The following BARD1 variants were observed in gnomAD, a reference collection of about 807,000 sequenced individuals.
BARD1 encodes the protein BRCA1 associated RING domain 1.
In BARD1, 73 loss-of-function variants were observed where a neutral mutation model predicts 77.0. The observed-to-expected ratio is 0.95, with a 90% confidence interval of 0.79 to 1.15. BARD1 has a LOEUF of 1.15. BARD1 is among the 50% of genes most tolerant of loss of function. The pLI is 0.00. For synonymous variants in BARD1, 384 were observed against 338.0 expected, an observed-to-expected ratio of 1.14 and a Z score of -1.49; for missense variants, 993 against 938.8, an observed-to-expected ratio of 1.06 and a Z score of -0.75.
chr2:214,781,425 C>A lies in BARD1; in HGVS notation c.449G>T (p.Arg150Leu), dbSNP rs730881412. The A allele has an allele frequency of 6.2e-7, 1 of 1,613,462 alleles. No homozygotes were observed. Among genetic ancestry groups the A allele is most frequent in the South Asian group, 1.1e-5 (1 of 91,018 alleles). The change falls in exon 4 of 11, where the codon CGA (arginine) becomes CTA (leucine). Residue 150 changes from arginine (R) to leucine (L), a missense_variant. Transcript: ENST00000260947. ...CACAACATATCTGACTTTCTTACTT[C>A]GAGGGCTAAACCACATTTTAATTGA... Reference protein sequence around the residue: ...KNSIKMWFSPRSKKVRYVVSK... With the variant: ...KNSIKMWFSPLSKKVRYVVSK...
rs140464354 is a variant in BARD1, at chr2:214,771,823, A to C, written c.1315-2511T>G. Among the ~76,000 whole-genome samples, 7 of 151,612 alleles carry C rather than the reference A, an allele frequency of 4.6e-5. No individual in the cohort carries two copies. In the East Asian group the frequency reaches 1.4e-3, roughly 29 times the overall value. ...CAGTTTTCTAAAAAAGTAAATTCTC[A>C]TGCAACATACATTTTTATATTCCTA... On this transcript the variant is annotated intron_variant, in intron 4 of 10. Coordinates refer to ENST00000260947, the MANE Select transcript of BARD1 (RefSeq NM_000465.4).
intron 1 of BARD1, among the ~76,000 whole-genome samples, chr2:214,798,514 C>T (rs1183245756): frequency 6.6e-6 from 1 of 151,946 alleles, no homozygotes; most frequent in Admixed American, 6.6e-5. Flanking sequence ...CTTCCTTTAC[C>T]TCTTTTATTA....
chr2:214,758,289 T>A (rs1693793656), intron 6 of BARD1, among the ~76,000 whole-genome samples: 1 of 152,190 alleles, frequency 6.6e-6, no homozygotes. Context: ...AATAACACTA[T>A]CTATTTTACA....
intron 9 of BARD1, among the ~76,000 whole-genome samples, chr2:214,738,530 A>G (rs1692665855): frequency 1.3e-5 from 2 of 152,126 alleles, no homozygotes; most frequent in Non-Finnish European, 2.9e-5. Flanking sequence ...CCTACCTCAT[A>G]AAAGCATATA....
intron 6 of BARD1, among the ~76,000 whole-genome samples, chr2:214,755,778 C>T (rs980542675): frequency 1.3e-5 from 2 of 152,116 alleles, no homozygotes; most frequent in East Asian, 1.9e-4. Flanking sequence ...AGATATAAAG[C>T]AATGAACATT....
chr2:214,800,837 C>G (rs1283154770), intron 1 of BARD1, among the ~76,000 whole-genome samples: 1 of 151,996 alleles, frequency 6.6e-6, no homozygotes, highest in Admixed American at 6.6e-5. Context: ...AACTGTGGAA[C>G]GAGGCCTTCA....
At chr2:214,792,149 T>TAA in intron 3 of BARD1, 148 bp downstream of exon 3, 10 of 760,002 alleles carry the variant, frequency 1.3e-5, no homozygotes, top group South Asian at 2.1e-5. Context: ...CAATGGCTAT[T>TAA]TAAAAAAAAA....
intron 5 of BARD1, among the ~76,000 whole-genome samples, chr2:214,768,071 A>G (rs1353051820): frequency 6.6e-6 from 1 of 152,200 alleles, no homozygotes; most frequent in Admixed American, 6.5e-5. Flanking sequence ...TCCGTGAAGG[A>G]ATGCTTTTAA....
chr2:214,805,110 G>C (rs139619486), intron 1 of BARD1, among the ~76,000 whole-genome samples: 1 of 151,706 alleles, frequency 6.6e-6, no homozygotes, highest in Non-Finnish European at 1.5e-5. Context: ...GCAGTGAGCC[G>C]AGATCACACC....
intron 6 of BARD1, among the ~76,000 whole-genome samples, chr2:214,761,304 C>G (rs899264759): frequency 2.0e-5 from 3 of 148,194 alleles, no homozygotes; most frequent in African/African-American, 7.4e-5. Context: ...AAAAAAAAAG[C>G]ATTCTGATTA....
At position 214,726,687 on chromosome 2, in the gene BARD1, ATGAT is replaced by A; in HGVS notation, c.*1985_*1988del. On this transcript the variant is annotated 3_prime_UTR_variant, in exon 11 of 11. Coordinates refer to ENST00000260947, the MANE Select transcript of BARD1 (RefSeq NM_000465.4). ...GTAAAAAAGAAGGAAGCTTGAATCT[ATGAT>A]TGAAAAATAAAAAATAATTACATGT... 4.4e-6 allele frequency: 1 copy of A among 228,794 alleles called. No homozygotes were observed. The highest frequency in any genetic ancestry group is 8.7e-6 in the Non-Finnish European group (1 of 115,480). 14.2% of individuals were successfully genotyped at this position (228,794 alleles called of 1,614,324 possible).
chr2:214,745,835 C>G lies in BARD1; in HGVS notation c.1697G>C (p.Arg566Thr). ...GCCTATAAGTACAAGAGGTCCATCC[C>G]TACGCTGCCCAGTGTTCATCTGTTA... is the stretch of plus-strand genomic sequence containing the variant. ...HCSVMNTGQR[R>T]DGPLVLIGSG... Residue 566 changes from arginine to threonine, a missense_variant, in exon 8 of 11, where the codon AGG (arginine) becomes ACG (threonine). Physicochemically the swap from Arg to Thr is moderately conservative, Grantham distance 71 (BLOSUM62 -1). Coordinates refer to ENST00000260947, the MANE Select transcript of BARD1 (RefSeq NM_000465.4). 1 of 1,614,062 alleles carries G rather than the reference C, an allele frequency of 6.2e-7. No individual in the cohort carries two copies. Among genetic ancestry groups the G allele is most frequent in the Non-Finnish European group, 8.5e-7 (1 of 1,179,970 alleles).
intron 9 of BARD1, among the ~76,000 whole-genome samples, chr2:214,743,304 T>C (rs1196924519): frequency 6.6e-6 from 1 of 152,232 alleles, no homozygotes; most frequent in Non-Finnish European, 1.5e-5. Flanking sequence ...AAATCAGGCA[T>C]TCTACCATAA....
rs932878201 is a variant in BARD1, at chr2:214,726,845, G to A, written c.*1831C>T. The A allele has an allele frequency of 4.4e-6, 1 of 228,438 alleles. No homozygotes were observed. Among genetic ancestry groups the A allele is most frequent in the African/African-American group, 2.2e-5 (1 of 45,084 alleles). 14.2% of individuals were successfully genotyped at this position (228,438 alleles called of 1,614,324 possible). A position where few individuals can be genotyped will look rare whatever the true frequency, so the allele number is the denominator to read the frequency against. The stretch of plus-strand genomic sequence containing the variant: ...GAAAAACAACAAAAAGAAGGGAGGG[G>A]TGATAAACCAAGAAAATGAATGACA... On this transcript the variant is annotated 3_prime_UTR_variant, in exon 11 of 11. Coordinates refer to ENST00000260947, the MANE Select transcript of BARD1 (RefSeq NM_000465.4).
At chr2:214,804,608 A>G (rs1696182860) in intron 1 of BARD1, among the ~76,000 whole-genome samples, 1 of 152,242 alleles carries the variant, frequency 6.6e-6, no homozygotes, top group African/African-American at 2.4e-5. Flanking sequence ...AGAACTTTAC[A>G]AATCAACGAG....
At chr2:214,782,848 G>A (rs904070260) in intron 3 of BARD1, among the ~76,000 whole-genome samples, 8 of 152,148 alleles carry the variant, frequency 5.3e-5, no homozygotes, top group African/African-American at 1.7e-4. Context: ...ACTTTGGAAA[G>A]AAAAGAGTAG....
intron 9 of BARD1, among the ~76,000 whole-genome samples, chr2:214,742,809 T>C (rs1366335712): frequency 6.6e-6 from 1 of 152,202 alleles, no homozygotes; most frequent in African/African-American, 2.4e-5. Flanking sequence ...GGTAAATGTC[T>C]TAACATTCAA....
intron 3 of BARD1, among the ~76,000 whole-genome samples, chr2:214,785,159 A>C (rs973598995): frequency 6.6e-6 from 1 of 152,040 alleles, no homozygotes; most frequent in Non-Finnish European, 1.5e-5. Context: ...TGAACTCACA[A>C]GTATATTCAT....
intron 1 of BARD1, among the ~76,000 whole-genome samples, chr2:214,797,321 C>T (rs1489303678): frequency 6.6e-6 from 1 of 152,154 alleles, no homozygotes; most frequent in African/African-American, 2.4e-5. Context: ...ATAGTAACCA[C>T]CAAACTGGGT....
Sources: gnomAD v4.1 joint callset for allele counts (sites outside exome capture counted in the v4.1 genomes callset) on GRCh38, gnomAD v4.1.1 for gene constraint, MANE v1.5 for transcripts, NCBI Gene and HGNC (gene_info 2026-07-23, HGNC 2026-07-21) for gene names.